Variants in RALB observed in about 807,000 individuals in gnomAD.
RALB encodes ras-related protein Ral-B.
In RALB, 16 loss-of-function variants were observed where a neutral mutation model predicts 21.3. That is an observed-to-expected ratio of 0.75 (90% confidence interval 0.51 to 1.14). RALB has a LOEUF of 1.14. Among genes scored for constraint, RALB ranks in the 50% most tolerant of loss-of-function variants. RALB has a pLI of 0.00. For missense variants in RALB, 161 were observed against 256.2 expected (o/e 0.63, Z 2.54); for synonymous variants, 93 against 96.1 (o/e 0.97, Z 0.19).
At chr2:120,260,961 A>G (rs11893187) in intron 1 of RALB, among the ~76,000 whole-genome samples, 94,337 of 152,056 alleles carry the variant, frequency 0.62, 30,060 homozygotes, top group African/African-American at 0.76. Context: ...CTTTTGCTAC[A>G]CAGTGTGGGG....
chr2:120,245,925 G>A (rs1688962689), intron 1 of RALB, among the ~76,000 whole-genome samples: 1 of 152,180 alleles, frequency 6.6e-6, no homozygotes, highest in South Asian at 2.1e-4. Flanking sequence ...AGAAAATAGG[G>A]AATCGCCCTT....
chr2:120,254,155 A>G (rs888257771), intron 1 of RALB, among the ~76,000 whole-genome samples: 1 of 152,210 alleles, frequency 6.6e-6, no homozygotes, highest in African/African-American at 2.4e-5. Context: ...GGTTTGATGC[A>G]GGTTCTGAGA....
Position 120,257,603 on chromosome 2 carries a change from C to T in RALB, c.-48+4623C>T, listed in dbSNP as rs920383286. ...TTAAATTGCAACCTCAGAAGACAAG[C>T]TTTTCTGAGAATAGCTTTTGTTCTT... On this transcript the variant is annotated intron_variant, in intron 1 of 4. Coordinates refer to ENST00000272519, the MANE Select transcript of RALB (RefSeq NM_002881.3). 2.6e-5 allele frequency among the ~76,000 whole-genome samples: 4 copies of T among 152,266 alleles called. No homozygotes were observed. The South Asian group carries it at 8.3e-4, about 32-fold the overall frequency.
At chr2:120,247,766 C>G (rs569239639) in intron 1 of RALB, among the ~76,000 whole-genome samples, 3 of 152,206 alleles carry the variant, frequency 2.0e-5, no homozygotes, top group Non-Finnish European at 4.4e-5. Flanking sequence ...AGGGTTCCCG[C>G]GACGCATTGC....
intron 1 of RALB, among the ~76,000 whole-genome samples, chr2:120,278,058 CGTGT>C (rs950314262): frequency 6.0e-5 from 8 of 133,534 alleles, no homozygotes; most frequent in East Asian, 2.3e-4. Flanking sequence ...TGAATGTGAG[CGTGT>C]GTGAGTGTGA....
chr2:120,244,151 A>G lies in RALB; in HGVS notation c.19+4026A>G, dbSNP rs113099561. Reference sequence around the variant, plus strand: ...CCAGATCTCGTGAAAACTCACTATCATGAGAACAGCAAGGGGGAAATCTGC... The same window carrying G: ...CCAGATCTCGTGAAAACTCACTATCGTGAGAACAGCAAGGGGGAAATCTGC... On this transcript the variant is annotated intron_variant, in intron 1 of 3. Coordinates refer to the RALB transcript ENST00000447591. Among the ~76,000 whole-genome samples the G allele has an allele frequency of 9.0e-3, 1,366 of 152,326 alleles. 25 individuals carry two copies. Among genetic ancestry groups the G allele is most frequent in the African/African-American group, 0.03 (1,260 of 41,560 alleles).
chr2:120,242,693 G>A (rs1467933357), intron 1 of RALB, among the ~76,000 whole-genome samples: 4 of 152,244 alleles, frequency 2.6e-5, no homozygotes, highest in South Asian at 4.1e-4. Flanking sequence ...AGCTGAGATC[G>A]CACCACTGCA....
intron 1 of RALB, among the ~76,000 whole-genome samples, chr2:120,267,665 G>T (rs76908207): frequency 0.079 from 12,098 of 152,286 alleles, 640 homozygotes; most frequent in Non-Finnish European, 0.12. Flanking sequence ...AGAAGCGGCA[G>T]CTGCTCCACA....
intron 1 of RALB, among the ~76,000 whole-genome samples, chr2:120,258,474 G>T (rs1689252571): frequency 6.6e-6 from 1 of 152,192 alleles, no homozygotes; most frequent in Admixed American, 6.5e-5. Flanking sequence ...CAAGGAAAAG[G>T]CCACGGAGGC....
chr2:120,272,053 A>C (rs757519863), intron 1 of RALB, among the ~76,000 whole-genome samples: 1 of 152,164 alleles, frequency 6.6e-6, no homozygotes, highest in Non-Finnish European at 1.5e-5. Context: ...AACAACAGGA[A>C]TTTATTTTCC....
chr2:120,280,795 A>G lies in RALB; in HGVS notation c.114+2017A>G, dbSNP rs1198853154. On this transcript the variant is annotated intron_variant, in intron 2 of 4. Transcript: ENST00000272519. ...AGAACAAAAGACATTTTCATTAACC[A>G]TGCTAAAGGAAAGACTAAATTATTT... The G allele has an allele frequency of 4.5e-5, 17 of 373,730 alleles. No homozygotes were observed. In the Admixed American group the frequency reaches 6.6e-4, roughly 15 times the overall value. The allele number at this position is 373,730 out of a possible 1,614,324, so 23.2% of individuals were successfully genotyped here. A position where few individuals can be genotyped will look rare whatever the true frequency, so the allele number is the denominator to read the frequency against.
chr2:120,269,314 A>G (rs1172368292), intron 1 of RALB, among the ~76,000 whole-genome samples: 1 of 152,210 alleles, frequency 6.6e-6, no homozygotes, highest in Non-Finnish European at 1.5e-5. Flanking sequence ...AGTGAGTGTT[A>G]TAGCTCTCAA....
intron 1 of RALB, among the ~76,000 whole-genome samples, chr2:120,242,171 G>C (rs750757597): frequency 6.6e-6 from 1 of 152,174 alleles, no homozygotes; most frequent in African/African-American, 2.4e-5. Flanking sequence ...GACAAATACT[G>C]TATGATTCCA....
At chr2:120,269,931 A>C (rs752906304) in intron 1 of RALB, among the ~76,000 whole-genome samples, 39 of 152,218 alleles carry the variant, frequency 2.6e-4, no homozygotes, top group Non-Finnish European at 4.7e-4. Flanking sequence ...AGTAGTATTC[A>C]TTTCCCCAAA....
intron 2 of RALB, among the ~76,000 whole-genome samples, chr2:120,279,356 T>G (rs556876803): frequency 1.3e-5 from 2 of 152,270 alleles, no homozygotes; most frequent in East Asian, 1.9e-4. Context: ...TTGAGCTGTT[T>G]GCTAGGATAC....
At chr2:120,274,111 C>T (rs2104623275) in intron 1 of RALB, among the ~76,000 whole-genome samples, 1 of 152,202 alleles carries the variant, frequency 6.6e-6, no homozygotes, top group Non-Finnish European at 1.5e-5. Flanking sequence ...ATTCATAGAA[C>T]CAGGATTGAT....
intron 4 of RALB, among the ~76,000 whole-genome samples, chr2:120,290,824 T>G (rs1690288838): frequency 6.6e-6 from 1 of 152,230 alleles, no homozygotes; most frequent in Non-Finnish European, 1.5e-5. Context: ...CAGCTAAAAT[T>G]TTAACGCTGT....
At chr2:120,244,629 C>G (rs1688941702) in intron 1 of RALB, among the ~76,000 whole-genome samples, 1 of 152,170 alleles carries the variant, frequency 6.6e-6, no homozygotes, top group Non-Finnish European at 1.5e-5. Flanking sequence ...TCCATCCATC[C>G]ATCCATCCAT....
chr2:120,288,230 T>G (rs1416214795), intron 3 of RALB, among the ~76,000 whole-genome samples: 1 of 152,212 alleles, frequency 6.6e-6, no homozygotes, highest in Non-Finnish European at 1.5e-5. Flanking sequence ...CCAGTTCAAA[T>G]GTAGGCTATA....
Sources: allele counts gnomAD v4.1 joint callset (sites outside exome capture counted in the v4.1 genomes callset), GRCh38; gene constraint gnomAD v4.1.1; transcripts MANE v1.5; gene names NCBI Gene and HGNC (gene_info 2026-07-23, HGNC 2026-07-21).